Variants in MPHOSPH6 observed in about 807,000 individuals in gnomAD.
The protein encoded by MPHOSPH6 is M-phase phosphoprotein 6.
MPHOSPH6 carries 25 observed loss-of-function variants against 21.8 expected under a neutral mutation model. The observed-to-expected ratio is 1.15, with a 90% confidence interval of 0.83 to 1.60. The LOEUF is 1.60. Among genes scored for constraint, MPHOSPH6 ranks in the 40% most tolerant of loss-of-function variants. The probability of loss-of-function intolerance (pLI) is 0.00; values close to 1 mark genes in which losing one functional copy is unlikely to be tolerated. For synonymous variants in MPHOSPH6, 84 were observed against 56.5 expected (o/e 1.49, Z -2.18); for missense variants, 269 against 181.8 (o/e 1.48, Z -2.76).
chr16:82,149,521 T>C (rs767407618), intron 3 of MPHOSPH6, 118 bp from the exon 4 acceptor site: 5 of 823,524 alleles, frequency 6.1e-6, no homozygotes, highest in Admixed American at 1.9e-5. Flanking sequence ...CTAGTCAAAA[T>C]TGATAAGGGA....
chr16:82,155,292 T>C (rs561761570), intron 2 of MPHOSPH6, among the ~76,000 whole-genome samples: 1 of 152,346 alleles, frequency 6.6e-6, no homozygotes, highest in East Asian at 1.9e-4. Context: ...AGGACTACTC[T>C]TGTCGTTTCT....
chr16:82,156,164 A>G (rs1906422475), intron 2 of MPHOSPH6, among the ~76,000 whole-genome samples: 2 of 152,166 alleles, frequency 1.3e-5, no homozygotes, highest in Non-Finnish European at 2.9e-5. Flanking sequence ...GACAACATTA[A>G]CAGGCTAGAA....
At position 82,151,462 on chromosome 16, in the gene MPHOSPH6, C is replaced by T; in HGVS notation, c.217G>A (p.Gly73Arg). Residue 73 changes from glycine (G) to arginine (R), a missense_variant, in exon 3 of 5, where the codon GGA becomes AGA. Gly to Arg is a moderately radical substitution (Grantham distance 125). Transcript: ENST00000258169. ...TTAAATCCTCTGAATGACATTCTTCCATAGAGAAGATCTTCACATAGTAAG... is the reference window on the plus strand; with the variant it reads ...TTAAATCCTCTGAATGACATTCTTCTATAGAGAAGATCTTCACATAGTAAG... ...SFLLCEDLLYGRMSFRGFNPE... is the reference protein window; with the variant it reads ...SFLLCEDLLYRRMSFRGFNPE... The T allele has an allele frequency of 6.2e-7, 1 of 1,606,796 alleles. No individual in the cohort carries two copies. Among genetic ancestry groups the T allele is most frequent in the Non-Finnish European group, 8.5e-7 (1 of 1,177,040 alleles).
At chr16:82,155,967 T>C (rs1906416385) in intron 2 of MPHOSPH6, among the ~76,000 whole-genome samples, 1 of 152,008 alleles carries the variant, frequency 6.6e-6, no homozygotes, top group African/African-American at 2.4e-5. Flanking sequence ...CTTTGATTTC[T>C]ACCTCATGCT....
intron 1 of MPHOSPH6, among the ~76,000 whole-genome samples, chr16:82,169,421 T>C (rs2911425): frequency 0.68 from 103,462 of 152,024 alleles, 36,387 homozygotes; most frequent in Admixed American, 0.78. Context: ...ACTCACCCTC[T>C]TCTCCCTGGA....
chr16:82,160,159 G>T (rs561210967), intron 2 of MPHOSPH6, among the ~76,000 whole-genome samples: 3 of 152,260 alleles, frequency 2.0e-5, no homozygotes, highest in South Asian at 4.1e-4. Context: ...CAGGTGTTTT[G>T]TATCTACATG....
At position 82,170,118 on chromosome 16, in the gene MPHOSPH6, C is replaced by T. The variant is rs778707666; in HGVS notation, c.51+7G>A. The stretch of plus-strand genomic sequence containing the variant: ...CGCCCGGAGTGGCGCTCTCAGCGTC[C>T]CCGCACCTTCATGCGCAGTAGATTC... On this transcript the variant is annotated splice_region_variant and intron_variant, in intron 1 of 4. Transcript: ENST00000258169. 3.1e-6 allele frequency: 5 copies of T among 1,590,428 alleles called. No homozygotes were observed. In the Admixed American group the frequency reaches 7.0e-5, roughly 22 times the overall value.
chr16:82,161,318 C>G (rs1002192723), intron 2 of MPHOSPH6, among the ~76,000 whole-genome samples: 1 of 152,156 alleles, frequency 6.6e-6, no homozygotes, highest in African/African-American at 2.4e-5. Flanking sequence ...CTTCCACCAG[C>G]ATCAGTGAAA....
intron 1 of MPHOSPH6, among the ~76,000 whole-genome samples, chr16:82,165,407 A>G (rs1038839072): frequency 2.6e-5 from 4 of 152,042 alleles, no homozygotes; most frequent in African/African-American, 9.7e-5. Context: ...TACAGGTGTG[A>G]GCCGCTGCGC....
chr16:82,155,628 G>A (rs1399263897), intron 2 of MPHOSPH6, among the ~76,000 whole-genome samples: 2 of 152,180 alleles, frequency 1.3e-5, no homozygotes, highest in East Asian at 3.8e-4. Context: ...ATGTTAATAG[G>A]TGCAGTGGCT....
intron 4 of MPHOSPH6, 134 bp from the exon 5 acceptor site, chr16:82,148,997 G>C: frequency 8.4e-7 from 1 of 1,187,802 alleles, no homozygotes; most frequent in Non-Finnish European, 1.2e-6. Context: ...GAAACCATCT[G>C]ATTTAACAAT....
intron 2 of MPHOSPH6, among the ~76,000 whole-genome samples, chr16:82,153,912 T>C (rs1303184575): frequency 6.6e-6 from 1 of 152,142 alleles, no homozygotes; most frequent in Non-Finnish European, 1.5e-5. Context: ...AGGCCTTCTG[T>C]GTGTCAAATC....
At chr16:82,152,391 A>G (rs1026327933) in intron 2 of MPHOSPH6, among the ~76,000 whole-genome samples, 1 of 152,166 alleles carries the variant, frequency 6.6e-6, no homozygotes, top group Non-Finnish European at 1.5e-5. Context: ...GCTCTTAGCT[A>G]TAAACACCAA....
intron 1 of MPHOSPH6, among the ~76,000 whole-genome samples, chr16:82,168,163 G>A (rs78999634): frequency 0.012 from 1,768 of 152,146 alleles, 43 homozygotes; most frequent in African/African-American, 0.04. Context: ...GTTGCAACTC[G>A]GATATTTAGT....
At chr16:82,154,879 T>A (rs1287740532) in intron 2 of MPHOSPH6, among the ~76,000 whole-genome samples, 2 of 152,294 alleles carry the variant, frequency 1.3e-5, no homozygotes, top group East Asian at 3.9e-4. Flanking sequence ...AGGAACACTT[T>A]CCAACTCATT....
chr16:82,154,935 T>C (rs1211088959), intron 2 of MPHOSPH6, among the ~76,000 whole-genome samples: 4 of 152,224 alleles, frequency 2.6e-5, no homozygotes, highest in Non-Finnish European at 1.5e-5. Context: ...CAGTCTAATA[T>C]CTTTTTTAAA....
intron 2 of MPHOSPH6, among the ~76,000 whole-genome samples, chr16:82,157,721 CTT>C (rs1906472846): frequency 6.6e-6 from 1 of 152,140 alleles, no homozygotes; most frequent in Non-Finnish European, 1.5e-5. Flanking sequence ...GGATAGGCCT[CTT>C]GTCAGGGGTG....
intron 1 of MPHOSPH6, among the ~76,000 whole-genome samples, chr16:82,165,166 C>T (rs1222565793): frequency 4.1e-5 from 5 of 120,924 alleles, no homozygotes; most frequent in South Asian, 2.8e-4. Flanking sequence ...CTCACTCTGT[C>T]GCCCAGGCTG....
chr16:82,169,036 T>C (rs1363006917), intron 1 of MPHOSPH6, among the ~76,000 whole-genome samples: 1 of 152,240 alleles, frequency 6.6e-6, no homozygotes, highest in Admixed American at 6.5e-5. Flanking sequence ...AGTTACTGCC[T>C]GTAGTCACCT....
Sources: gnomAD v4.1 joint callset for allele counts (sites outside exome capture counted in the v4.1 genomes callset) on GRCh38, gnomAD v4.1.1 for gene constraint, MANE v1.5 for transcripts, NCBI Gene and HGNC (gene_info 2026-07-23, HGNC 2026-07-21) for gene names.